Variants in ATG7 observed in about 807,000 individuals in gnomAD.
The protein encoded by ATG7 is ubiquitin-like modifier-activating enzyme ATG7.
A neutral mutation model predicts 82.4 loss-of-function variants in ATG7; 70 were observed. The ratio of observed to expected loss-of-function variants is 0.85; its 90% CI spans 0.70 to 1.04. The LOEUF is 1.04. Among genes scored for constraint, ATG7 ranks in the 50% least tolerant of loss-of-function variants. The probability of loss-of-function intolerance (pLI) is 0.00; values close to 1 mark genes in which losing one functional copy is unlikely to be tolerated. For missense variants in ATG7, 792 were observed against 864.3 expected, an observed-to-expected ratio of 0.92 and a Z score of 1.05; for synonymous variants, 287 against 313.0, an observed-to-expected ratio of 0.92 and a Z score of 0.88.
At chr3:11,455,935 C>A (rs980260029) in intron 20 of ATG7, among the ~76,000 whole-genome samples, 2 of 152,200 alleles carry the variant, frequency 1.3e-5, no homozygotes, top group African/African-American at 4.8e-5. Flanking sequence ...CTTCTTTGAA[C>A]CCCGATGGCA....
intron 14 of ATG7, among the ~76,000 whole-genome samples, chr3:11,357,725 C>G (rs2076020560): frequency 6.6e-6 from 1 of 151,976 alleles, no homozygotes; most frequent in African/African-American, 2.4e-5. Context: ...GAAAGAGGTA[C>G]TTTGGCAGGG....
At chr3:11,398,124 A>G (rs1380862519) in intron 19 of ATG7, among the ~76,000 whole-genome samples, 1 of 152,050 alleles carries the variant, frequency 6.6e-6, no homozygotes, top group African/African-American at 2.4e-5. Flanking sequence ...TATTCTCAGT[A>G]ATTGATGAAA....
chr3:11,522,808 C>T (rs1028237089), intron 20 of ATG7, among the ~76,000 whole-genome samples: 7 of 152,172 alleles, frequency 4.6e-5, no homozygotes, highest in African/African-American at 1.7e-4. Context: ...GTGGTACAGA[C>T]TGTGAACATG....
chr3:11,399,928 G>A (rs1235691448), intron 19 of ATG7, among the ~76,000 whole-genome samples: 1 of 152,140 alleles, frequency 6.6e-6, no homozygotes, highest in Non-Finnish European at 1.5e-5. Context: ...TGACTGGGTT[G>A]TAGTTACACA....
chr3:11,518,936 C>T (rs908882915), intron 20 of ATG7, among the ~76,000 whole-genome samples: 13 of 152,122 alleles, frequency 8.5e-5, no homozygotes, highest in Non-Finnish European at 1.3e-4. Context: ...TCAGAATTCT[C>T]TTGCAGCTCT....
chr3:11,421,180 C>G (rs2081913221), intron 19 of ATG7, among the ~76,000 whole-genome samples: 2 of 152,046 alleles, frequency 1.3e-5, no homozygotes, highest in Admixed American at 1.3e-4. Flanking sequence ...GTGGTAGTTG[C>G]CAAAGGTTGG....
At chr3:11,391,966 G>GGGGT (rs1553640477) in intron 19 of ATG7, among the ~76,000 whole-genome samples, 10 of 138,478 alleles carry the variant, frequency 7.2e-5, no homozygotes, top group African/African-American at 2.7e-4. Flanking sequence ...ATTGGGGGGG[G>GGGGT]GGTAATTTCA....
intron 20 of ATG7, among the ~76,000 whole-genome samples, chr3:11,443,951 A>G (rs1176885845): frequency 6.6e-6 from 1 of 152,206 alleles, no homozygotes; most frequent in East Asian, 1.9e-4. Context: ...CTTTCTGACC[A>G]CAGGCCTAGA....
At chr3:11,513,910 T>C (rs1042650317) in intron 20 of ATG7, among the ~76,000 whole-genome samples, 6 of 152,240 alleles carry the variant, frequency 3.9e-5, no homozygotes, top group African/African-American at 1.4e-4. Flanking sequence ...GTTTCTTTTT[T>C]TGAGGCAGCA....
At chr3:11,389,257 A>AAAAT (rs2078582150) in intron 19 of ATG7, among the ~76,000 whole-genome samples, 2 of 149,124 alleles carry the variant, frequency 1.3e-5, no homozygotes, top group African/African-American at 2.4e-5. Flanking sequence ...AAAAAAAAAA[A>AAAAT]GATGTGAAAG....
In ATG7 at chr3:11,399,856, G is replaced by T. The variant is rs74809623; in HGVS notation, c.1956+19804G>T. 6.8e-4 allele frequency among the ~76,000 whole-genome samples: 104 copies of T among 152,330 alleles called. 1 individual carries two copies. The East Asian group carries it at 0.019, about 28-fold the overall frequency. On this transcript the variant is annotated intron_variant, in intron 19 of 20. Coordinates refer to ENST00000693202, the MANE Select transcript of ATG7 (RefSeq NM_001349232.2). ...CCCAAAGTGCTGGGATTACACGTGA[G>T]CCACAGTGCCTGGCGTGGAAGCGAC...
chr3:11,361,049 T>G (rs2076249429), intron 16 of ATG7, among the ~76,000 whole-genome samples: 1 of 152,118 alleles, frequency 6.6e-6, no homozygotes, highest in South Asian at 2.1e-4. Flanking sequence ...AGCAGACTAG[T>G]CCCTGATAGC....
chr3:11,327,307 C>T (rs1951018825), intron 9 of ATG7, among the ~76,000 whole-genome samples: 1 of 152,208 alleles, frequency 6.6e-6, no homozygotes, highest in Non-Finnish European at 1.5e-5. Context: ...TTTCTACAGT[C>T]AGGAATTTCT....
chr3:11,333,153 T>C lies in ATG7; in HGVS notation c.889+60T>C, dbSNP rs370850653. On this transcript the variant is annotated intron_variant, in intron 11 of 20. Transcript: ENST00000693202. Reference sequence around the variant, plus strand: ...TCATTTATCAGAAACGGAACCAGGTTTACTTTCTTTTCATATCGTCACAAT... The same window carrying C: ...TCATTTATCAGAAACGGAACCAGGTCTACTTTCTTTTCATATCGTCACAAT... 14 of 1,465,948 alleles carry C rather than the reference T, an allele frequency of 9.6e-6. No individual in the cohort carries two copies. In the African/African-American group the frequency reaches 1.2e-4, roughly 12 times the overall value. 90.8% of individuals were successfully genotyped at this position (1,465,948 alleles called of 1,614,324 possible).
At chr3:11,520,852 C>T (rs1455601770) in intron 20 of ATG7, among the ~76,000 whole-genome samples, 2 of 152,200 alleles carry the variant, frequency 1.3e-5, no homozygotes, top group African/African-American at 2.4e-5. Context: ...CCCCACACCT[C>T]ACCCGCCAGC....
At chr3:11,348,106 T>G in intron 14 of ATG7, 71 bp downstream of exon 14, 1 of 1,509,954 alleles carries the variant, frequency 6.6e-7, no homozygotes, top group Non-Finnish European at 8.9e-7. Context: ...ATGAGGCCTG[T>G]GGCATTGAAG....
At chr3:11,464,213 A>C (rs2086614199) in intron 20 of ATG7, among the ~76,000 whole-genome samples, 1 of 151,996 alleles carries the variant, frequency 6.6e-6, no homozygotes, top group African/African-American at 2.4e-5. Context: ...CTCTACAAAA[A>C]ATACAAAAAT....
At chr3:11,295,443 C>T (rs1421231800) in intron 3 of ATG7, among the ~76,000 whole-genome samples, 4 of 152,114 alleles carry the variant, frequency 2.6e-5, no homozygotes, top group African/African-American at 9.7e-5. Context: ...CAACAAACCA[C>T]CCATTAGGAA....
the ATG7 span, among the ~76,000 whole-genome samples, chr3:11,563,602 TA>T: frequency 6.6e-6 from 1 of 152,146 alleles, no homozygotes; most frequent in African/African-American, 2.4e-5. Flanking sequence ...TGAGCGCTCG[TA>T]AAACGTTGAA....
Sources: gnomAD v4.1 joint callset for allele counts (sites outside exome capture counted in the v4.1 genomes callset) on GRCh38, gnomAD v4.1.1 for gene constraint, MANE v1.5 for transcripts, NCBI Gene and HGNC (gene_info 2026-07-23, HGNC 2026-07-21) for gene names.